DAB2IP: variants seen among roughly 807,000 people sequenced by gnomAD.
DAB2IP encodes DAB2 interacting protein.
A neutral mutation model predicts 107.2 loss-of-function variants in DAB2IP; 28 were observed. That is an observed-to-expected ratio of 0.26 (90% CI 0.19 to 0.36). The LOEUF is 0.36. Among genes scored for constraint, DAB2IP ranks in the 10% least tolerant of loss-of-function variants. The probability of loss-of-function intolerance (pLI) is 1.00; values close to 1 mark genes in which losing one functional copy is unlikely to be tolerated. For synonymous variants in DAB2IP, 755 were observed against 706.4 expected, an observed-to-expected ratio of 1.07 and a Z score of -1.09; for missense variants, 1,400 against 1,644.7, an observed-to-expected ratio of 0.85 and a Z score of 2.57.
At chr9:121,696,697 C>T (rs568846698) in intron 2 of DAB2IP, among the ~76,000 whole-genome samples, 1 of 152,324 alleles carries the variant, frequency 6.6e-6, no homozygotes, top group African/African-American at 2.4e-5. Flanking sequence ...CTCTGGTCCC[C>T]AGTCACCCTG....
At position 121,651,931 on chromosome 9, in the gene DAB2IP, C is replaced by T. The variant is rs1204019065; in HGVS notation, c.124+32C>T. On this transcript the variant is annotated intron_variant, in intron 1 of 15. Coordinates refer to ENST00000408936, the Ensembl canonical transcript of DAB2IP. The surrounding 1 kb of genome is among the most constrained non-coding windows in gnomAD (Gnocchi z 5.1). ...GCCACCCCGACCCCTGACCCCTAGA[C>T]CCTCCTAAGGCCACTAAGCCACCTG... The T allele has an allele frequency of 7.5e-7, 1 of 1,332,396 alleles. No homozygotes were observed. 82.5% of individuals were successfully genotyped at this position (1,332,396 alleles called of 1,614,324 possible).
intron 2 of DAB2IP, among the ~76,000 whole-genome samples, chr9:121,691,986 T>C (rs1458986533): frequency 6.6e-6 from 1 of 152,128 alleles, no homozygotes; most frequent in African/African-American, 2.4e-5. Context: ...AGCAAACAAA[T>C]TGTCCAAAGT....
In DAB2IP at chr9:121,698,778, C is replaced by T. The variant is rs899493097; in HGVS notation, c.229-547C>T. ...GACCACGCGCCCGCTCTCATCGGTA[C>T]CACCGAGGGCTGGAGAGCAGCGACC... is the stretch of plus-strand genomic sequence containing the variant. On this transcript the variant is annotated intron_variant, in intron 2 of 15. Coordinates refer to ENST00000408936, the Ensembl canonical transcript of DAB2IP. This position sits in a 1 kb window ranked among gnomAD's most constrained non-coding sequence, Gnocchi z 4.1. Among the ~76,000 whole-genome samples, 2 of 152,190 alleles carry T rather than the reference C, an allele frequency of 1.3e-5. No homozygotes were observed. The highest frequency in any genetic ancestry group is 4.8e-5 in the African/African-American group (2 of 41,460).
exon 10 of DAB2IP, chr9:121,768,503 G>T: frequency 6.2e-7 from 1 of 1,614,170 alleles, no homozygotes; most frequent in Non-Finnish European, 8.5e-7. Flanking sequence ...AACATGCAGC[G>T]CTTCCTGCTG....
At chr9:121,705,614 T>G (rs1430593773) in intron 3 of DAB2IP, among the ~76,000 whole-genome samples, 1 of 152,244 alleles carries the variant, frequency 6.6e-6, no homozygotes, top group Non-Finnish European at 1.5e-5. Flanking sequence ...CATACTTGTG[T>G]GCATGTGTGC....
chr9:121,581,889 A>C (rs1314383445), intron 1 of DAB2IP, among the ~76,000 whole-genome samples: 1 of 152,180 alleles, frequency 6.6e-6, no homozygotes, highest in Non-Finnish European at 1.5e-5. Context: ...CCAGCCCCTC[A>C]ATGCCAACTC....
Position 121,772,916 on chromosome 9 carries a change from G to A in DAB2IP, c.2388G>A (p.Gly796=). 1 of 1,565,762 alleles carries A rather than the reference G, an allele frequency of 6.4e-7. No homozygotes were observed. The highest frequency in any genetic ancestry group is 8.6e-7 in the Non-Finnish European group (1 of 1,160,004). Residue 796 remains glycine (G), a synonymous_variant, in exon 12 of 16, where the codon GGG becomes GGA. Transcript: ENST00000408936. This position sits in a 1 kb window ranked among gnomAD's most constrained non-coding sequence, Gnocchi z 4.7. Reference sequence around the variant, plus strand: ...GGGCAACCCCAGTGAACCTGGCAGGGCTGGCCACGGTGCGGCGGGCAGGCC... The same window carrying A: ...GGGCAACCCCAGTGAACCTGGCAGGACTGGCCACGGTGCGGCGGGCAGGCC...
intron 3 of DAB2IP, among the ~76,000 whole-genome samples, chr9:121,746,662 G>A (rs192093158): frequency 6.6e-6 from 1 of 152,218 alleles, no homozygotes; most frequent in Non-Finnish European, 1.5e-5. Flanking sequence ...CGCATTCTAG[G>A]GGGGGCCCAG....
intron 6 of DAB2IP, among the ~76,000 whole-genome samples, chr9:121,762,940 C>G (rs971520965): frequency 6.6e-6 from 1 of 152,212 alleles, no homozygotes; most frequent in African/African-American, 2.4e-5. Flanking sequence ...CCTTCCCTCT[C>G]CAGCCAGTTG....
intron 10 of DAB2IP, among the ~76,000 whole-genome samples, chr9:121,769,783 G>A (rs1009328225): frequency 2.0e-5 from 3 of 152,204 alleles, no homozygotes; most frequent in African/African-American, 7.2e-5. Flanking sequence ...CCTTTCCCCT[G>A]TGCTGTCCAC....
chr9:121,759,812 T>A, intron 5 of DAB2IP, 73 bp from the exon 6 acceptor site: 5 of 1,416,508 alleles, frequency 3.5e-6, no homozygotes, highest in Non-Finnish European at 3.8e-6. Flanking sequence ...GAGGACTCTC[T>A]CAGGCTCTGG....
intron 3 of DAB2IP, among the ~76,000 whole-genome samples, chr9:121,717,951 C>T (rs1032095672): frequency 3.9e-5 from 6 of 152,160 alleles, no homozygotes; most frequent in Non-Finnish European, 5.9e-5. Flanking sequence ...GTCTTGTTTC[C>T]GGCATGTCAG....
At chr9:121,694,448 TAA>T (rs1168657851) in intron 2 of DAB2IP, among the ~76,000 whole-genome samples, 3 of 152,092 alleles carry the variant, frequency 2.0e-5, no homozygotes, top group African/African-American at 7.2e-5. Flanking sequence ...TGATTGCTGG[TAA>T]TATATCATCA....
At chr9:121,693,282 C>G (rs973872386) in intron 2 of DAB2IP, among the ~76,000 whole-genome samples, 3 of 152,178 alleles carry the variant, frequency 2.0e-5, no homozygotes, top group African/African-American at 7.2e-5. Context: ...CCTCCTGACT[C>G]TCACTCTGTG....
At chr9:121,576,836 T>C (rs1182824867) in intron 1 of DAB2IP, among the ~76,000 whole-genome samples, 1 of 152,068 alleles carries the variant, frequency 6.6e-6, no homozygotes, top group Admixed American at 6.6e-5. Flanking sequence ...TCTAGAGAAG[T>C]TGGTGACGGT....
At chr9:121,626,516 C>T (rs535256068) in intron 1 of DAB2IP, among the ~76,000 whole-genome samples, 10 of 151,368 alleles carry the variant, frequency 6.6e-5, no homozygotes, top group Admixed American at 2.6e-4. Flanking sequence ...CTCCACCTCC[C>T]GGGTTCAAGT....
Position 121,677,966 on chromosome 9 carries a change from T to C in DAB2IP, c.125-712T>C, listed in dbSNP as rs182600669. Among the ~76,000 whole-genome samples the C allele has an allele frequency of 2.5e-3, 376 of 152,134 alleles. 3 individuals carry two copies. Among genetic ancestry groups the C allele is most frequent in the Non-Finnish European group, 3.8e-3 (258 of 67,976 alleles). Reference sequence around the variant, plus strand: ...TGTGAGCCACTGTGCCAGGCCTTTTTCCCCCCTTTTTAAAAAATTGCGATA... The same window carrying C: ...TGTGAGCCACTGTGCCAGGCCTTTTCCCCCCCTTTTTAAAAAATTGCGATA... On this transcript the variant is annotated intron_variant, in intron 1 of 15. Coordinates refer to ENST00000408936, the Ensembl canonical transcript of DAB2IP.
intron 1 of DAB2IP, among the ~76,000 whole-genome samples, chr9:121,667,856 A>T (rs760661470): frequency 6.6e-6 from 1 of 152,222 alleles, no homozygotes; most frequent in Non-Finnish European, 1.5e-5. Context: ...GCTGATAAAG[A>T]CATACCCAAG....
At chr9:121,608,521 A>T (rs1279444551) in intron 1 of DAB2IP, among the ~76,000 whole-genome samples, 1 of 152,142 alleles carries the variant, frequency 6.6e-6, no homozygotes, top group African/African-American at 2.4e-5. Flanking sequence ...CGAGGACTGT[A>T]ACTGGTTGGA....
Sources: gnomAD v4.1 joint callset for allele counts (sites outside exome capture counted in the v4.1 genomes callset) on GRCh38, gnomAD v4.1.1 for gene constraint, Gnocchi (gnomAD v3.1) non-coding constraint, MANE v1.5 for transcripts, NCBI Gene and HGNC (gene_info 2026-07-23, HGNC 2026-07-21) for gene names.